Variants in ERMP1 observed in about 807,000 individuals in gnomAD.
ERMP1 encodes endoplasmic reticulum metallopeptidase 1.
A neutral mutation model predicts 92.0 loss-of-function variants in ERMP1; 86 were observed. The observed-to-expected ratio is 0.93, with a 90% CI of 0.79 to 1.12. The LOEUF (loss-of-function observed/expected upper bound fraction) is 1.12. Among genes scored for constraint, ERMP1 ranks in the 50% most tolerant of loss-of-function variants. The probability of loss-of-function intolerance (pLI) is 0.00; values close to 1 mark genes in which losing one functional copy is unlikely to be tolerated. For synonymous variants in ERMP1, 530 were observed against 412.8 expected (o/e 1.28, Z -3.44); for missense variants, 1,342 against 1,116.3 (o/e 1.20, Z -2.88).
At chr9:5,829,431 G>A (rs1323233708) in intron 2 of ERMP1, among the ~76,000 whole-genome samples, 2 of 151,988 alleles carry the variant, frequency 1.3e-5, no homozygotes, top group Non-Finnish European at 2.9e-5. Flanking sequence ...AACTCTAGAC[G>A]TTCAAATTTG....
At chr9:5,865,859 G>C (rs1469640743) in intron 5 of ERMP1, among the ~76,000 whole-genome samples, 1 of 141,118 alleles carries the variant, frequency 7.1e-6, no homozygotes, top group African/African-American at 2.6e-5. Context: ...AAAAAAAAAT[G>C]ATAATATAAG....
chr9:5,824,843 G>A (rs936979984), intron 3 of ERMP1, among the ~76,000 whole-genome samples: 5 of 152,096 alleles, frequency 3.3e-5, no homozygotes, highest in African/African-American at 7.2e-5. Context: ...TTATGCCAGC[G>A]AGAGCCCTTC....
At chr9:5,793,053 T>C (rs781127291) in intron 13 of ERMP1, among the ~76,000 whole-genome samples, 10 of 152,152 alleles carry the variant, frequency 6.6e-5, no homozygotes, top group Non-Finnish European at 8.8e-5. Context: ...TGTATACTTA[T>C]ATGTGTGCAT....
Position 5,795,495 on chromosome 9 carries a change from A to T in ERMP1, c.2386+2322T>A, listed in dbSNP as rs535730479. Among the ~76,000 whole-genome samples the T allele has an allele frequency of 8.5e-4, 130 of 152,346 alleles. 2 individuals carry two copies. In the South Asian group the frequency reaches 0.016, roughly 18 times the overall value. On this transcript the variant is annotated intron_variant, in intron 13 of 14. Transcript: ENST00000339450. ...TGTCTATTCATAGAATCTTAAAAGA[A>T]TAGGCTGGGCGCGGTGGCTCACGCC... is the stretch of plus-strand genomic sequence containing the variant.
At chr9:5,849,451 G>T (rs906101325) in intron 6 of ERMP1, among the ~76,000 whole-genome samples, 2 of 152,176 alleles carry the variant, frequency 1.3e-5, no homozygotes, top group South Asian at 2.1e-4. Context: ...CAGACAGGGG[G>T]TCCTGGCCAG....
intron 4 of ERMP1, among the ~76,000 whole-genome samples, chr9:5,815,494 C>CAAAA (rs3068691): frequency 1.0e-5 from 1 of 97,422 alleles, no homozygotes; most frequent in Non-Finnish European, 2.1e-5. Context: ...ACTGAAATAA[C>CAAAA]AAAAAAAAAA....
chr9:5,821,131 T>G (rs140575511), intron 4 of ERMP1, among the ~76,000 whole-genome samples: 10 of 152,364 alleles, frequency 6.6e-5, no homozygotes, highest in African/African-American at 2.4e-4. Context: ...AACATTTAAA[T>G]TTTATGTTTA....
intron 10 of ERMP1, 131 bp downstream of exon 10, chr9:5,804,892 CCATT>C (rs1828812290): frequency 1.5e-6 from 1 of 661,660 alleles, no homozygotes. Flanking sequence ...AGATGCATGG[CCATT>C]CATTCACCAT....
chr9:5,863,712 T>C (rs550167727), intron 5 of ERMP1, among the ~76,000 whole-genome samples: 14 of 152,334 alleles, frequency 9.2e-5, no homozygotes, highest in African/African-American at 2.4e-4. Context: ...AAAATAATTT[T>C]AAAAGACAAT....
At chr9:5,830,690 G>A (rs376359499) in intron 2 of ERMP1, 37 bp downstream of exon 2, 4 of 1,537,548 alleles carry the variant, frequency 2.6e-6, no homozygotes, top group Non-Finnish European at 3.5e-6. Context: ...TTTCTGGGCT[G>A]TGACAAGTTC....
intron 8 of ERMP1, among the ~76,000 whole-genome samples, chr9:5,808,854 C>T (rs1447993988): frequency 6.6e-6 from 1 of 152,186 alleles, no homozygotes; most frequent in Non-Finnish European, 1.5e-5. Context: ...CCTCCTACCT[C>T]AGCCACCCAG....
chr9:5,827,148 A>G (rs1486226198), intron 2 of ERMP1, among the ~76,000 whole-genome samples: 1 of 152,204 alleles, frequency 6.6e-6, no homozygotes, highest in Non-Finnish European at 1.5e-5. Flanking sequence ...CCTAATTGGT[A>G]TCAATTCCTG....
intron 13 of ERMP1, among the ~76,000 whole-genome samples, chr9:5,794,364 C>T (rs572894871): frequency 3.3e-5 from 5 of 151,994 alleles, no homozygotes; most frequent in South Asian, 2.1e-4. Context: ...TCTAAGCTTC[C>T]ACCTTAATAA....
In ERMP1 at chr9:5,793,408, T is replaced by C. The variant is rs575087182; in HGVS notation, c.2386+4409A>G. Among the ~76,000 whole-genome samples, 8 of 151,972 alleles carry C rather than the reference T, an allele frequency of 5.3e-5. No homozygotes were observed. In the East Asian group the frequency reaches 9.7e-4, roughly 18 times the overall value. On this transcript the variant is annotated intron_variant, in intron 13 of 14. Transcript: ENST00000339450. ...AGGAAGAAAAAACAAGGGCAACAAATAGAAAATAGTTAACTAATATGGTAG... is the reference window on the plus strand; with the variant it reads ...AGGAAGAAAAAACAAGGGCAACAAACAGAAAATAGTTAACTAATATGGTAG...
At chr9:5,789,431 C>T (rs1378654871) in intron 13 of ERMP1, among the ~76,000 whole-genome samples, 1 of 152,230 alleles carries the variant, frequency 6.6e-6, no homozygotes, top group East Asian at 1.9e-4. Context: ...CTTCAACTAT[C>T]AGGATTACAG....
intron 8 of ERMP1, among the ~76,000 whole-genome samples, chr9:5,808,774 G>A (rs1828967597): frequency 6.6e-6 from 1 of 152,102 alleles, no homozygotes; most frequent in African/African-American, 2.4e-5. Flanking sequence ...GTCTCACTCT[G>A]TCCCCTAGGC....
At chr9:5,795,809 T>C (rs1828402242) in intron 13 of ERMP1, among the ~76,000 whole-genome samples, 7 of 151,792 alleles carry the variant, frequency 4.6e-5, no homozygotes, top group Admixed American at 4.6e-4. Flanking sequence ...GAAAATCTTC[T>C]TAAAGAATAA....
At chr9:5,815,785 A>G (rs1020868224) in intron 4 of ERMP1, among the ~76,000 whole-genome samples, 1 of 152,182 alleles carries the variant, frequency 6.6e-6, no homozygotes. Context: ...CAAACGATGA[A>G]AATGTAGTAT....
chr9:5,838,323 C>T (rs1830117714), intron 6 of ERMP1, among the ~76,000 whole-genome samples: 1 of 152,028 alleles, frequency 6.6e-6, no homozygotes, highest in South Asian at 2.1e-4. Context: ...GGGTGAATCA[C>T]TTGAGTCCAG....
Sources: gnomAD v4.1 joint callset for allele counts (sites outside exome capture counted in the v4.1 genomes callset) on GRCh38, gnomAD v4.1.1 for gene constraint, MANE v1.5 for transcripts, NCBI Gene and HGNC (gene_info 2026-07-23, HGNC 2026-07-21) for gene names.